Variants in SLC25A32 observed in about 807,000 individuals in gnomAD.
SLC25A32 encodes Glycine auxotroph B, complementation of hamster.
A neutral mutation model predicts 39.0 loss-of-function variants in SLC25A32; 32 were observed. The ratio of observed to expected loss-of-function variants is 0.82; its 90% confidence interval spans 0.62 to 1.10. The LOEUF (loss-of-function observed/expected upper bound fraction) is 1.10, where lower values mean the gene tolerates loss of function less well. Among genes scored for constraint, SLC25A32 ranks in the 50% least tolerant of loss-of-function variants. The probability of loss-of-function intolerance (pLI) is 0.00; values close to 1 mark genes in which losing one functional copy is unlikely to be tolerated. For missense variants in SLC25A32, 367 were observed against 395.3 expected (o/e 0.93, Z 0.61); for synonymous variants, 166 against 152.4 (o/e 1.09, Z -0.66).
chr8:103,404,097 C>T (rs1816276088), intron 3 of SLC25A32, among the ~76,000 whole-genome samples: 1 of 151,962 alleles, frequency 6.6e-6, no homozygotes, highest in South Asian at 2.1e-4. Context: ...ACTGTTTTTT[C>T]CTTCTGGATA....
chr8:103,403,680 T>C (rs187233953), intron 3 of SLC25A32, among the ~76,000 whole-genome samples: 61 of 152,200 alleles, frequency 4.0e-4, no homozygotes, highest in Non-Finnish European at 7.6e-4. Context: ...AGACCTTAGG[T>C]GTAGCACATG....
intron 2 of SLC25A32, among the ~76,000 whole-genome samples, chr8:103,406,326 C>A (rs1816332889): frequency 6.6e-6 from 1 of 152,102 alleles, no homozygotes; most frequent in South Asian, 2.1e-4. Flanking sequence ...AAATATATGA[C>A]ACAAAGAAGA....
chr8:103,408,765 C>T (rs977527633), intron 1 of SLC25A32, among the ~76,000 whole-genome samples: 16 of 152,174 alleles, frequency 1.1e-4, no homozygotes, highest in African/African-American at 3.6e-4. Flanking sequence ...GATGCCCACA[C>T]CAGATACCTG....
intron 2 of SLC25A32, among the ~76,000 whole-genome samples, chr8:103,406,786 C>G (rs1483732450): frequency 6.6e-6 from 1 of 152,196 alleles, no homozygotes; most frequent in African/African-American, 2.4e-5. Context: ...CCACCTTCAT[C>G]ATAAACAAAT....
At chr8:103,401,384 G>T in intron 6 of SLC25A32, 132 bp downstream of exon 6, 2 of 722,210 alleles carry the variant, frequency 2.8e-6, no homozygotes, top group South Asian at 4.9e-5. Context: ...TAATAACTGG[G>T]AAAGCAGGGA....
chr8:103,407,151 C>T (rs1816351540), intron 2 of SLC25A32, among the ~76,000 whole-genome samples: 1 of 152,144 alleles, frequency 6.6e-6, no homozygotes, highest in Non-Finnish European at 1.5e-5. Context: ...ATGGCCAAAA[C>T]ACCTAATAAA....
intron 1 of SLC25A32, among the ~76,000 whole-genome samples, chr8:103,410,137 A>G (rs964405357): frequency 5.9e-5 from 9 of 152,196 alleles, no homozygotes; most frequent in African/African-American, 2.2e-4. Context: ...AAAAAGCAAA[A>G]CCAACCATAA....
At chr8:103,407,558 C>T in intron 2 of SLC25A32, 76 bp downstream of exon 2, 1 of 1,206,174 alleles carries the variant, frequency 8.3e-7, no homozygotes, top group Non-Finnish European at 1.1e-6. Context: ...TATCATTTTA[C>T]ATTTACATGT....
chr8:103,407,753 A>G lies in SLC25A32; in HGVS notation c.186T>C (p.Tyr62=). ...VSDGLELRPK[Y]NGILHCLTTI... ...TAGTCAAGCAATGTAAAATTCCATTATATTTCGGTCTCAGTTCCAATCCAT... is the reference window on the plus strand; with the variant it reads ...TAGTCAAGCAATGTAAAATTCCATTGTATTTCGGTCTCAGTTCCAATCCAT... Residue 62 remains tyrosine (Y), a synonymous_variant, in exon 2 of 7, where the codon TAT becomes TAC. Transcript: ENST00000297578. The G allele has an allele frequency of 6.2e-7, 1 of 1,613,474 alleles. No individual in the cohort carries two copies. Among genetic ancestry groups the G allele is most frequent in the Non-Finnish European group, 8.5e-7 (1 of 1,179,698 alleles).
chr8:103,400,660 T>A, intron 6 of SLC25A32, 114 bp from the exon 7 acceptor site: 1 of 1,066,714 alleles, frequency 9.4e-7, no homozygotes, highest in Non-Finnish European at 1.4e-6. Flanking sequence ...TACTCTGATT[T>A]AAGTTCATGT....
chr8:103,403,512 T>C (rs369221975), intron 3 of SLC25A32, among the ~76,000 whole-genome samples, 188 bp from the exon 4 acceptor site: 1 of 152,164 alleles, frequency 6.6e-6, no homozygotes, highest in South Asian at 2.1e-4. Context: ...GACATTGTTT[T>C]TGGTAGTCAT....
rs1274867455 is a variant in SLC25A32 at position 103,414,822 on chromosome 8, G to A, written c.116C>T (p.Ala39Val). 35 of 1,613,708 alleles carry A rather than the reference G, an allele frequency of 2.2e-5. No individual in the cohort carries two copies. The highest frequency in any genetic ancestry group is 2.9e-5 in the Non-Finnish European group (34 of 1,180,050). The change falls in exon 1 of 7, where the codon GCG becomes GTG. Residue 39 changes from alanine (A) to valine (V), a missense_variant. Physicochemically the swap from Ala to Val is moderately conservative, Grantham distance 64 (BLOSUM62 0). Transcript: ENST00000297578. ...CTTCACGAGGTCGAGCGGATGCAGC[G>A]CAAGGTTGGATAAGACGCCGCCGCT... ...GVSGGVLSNL[A>V]LHPLDLVKIR...
At chr8:103,409,597 T>C (rs1332425714) in intron 1 of SLC25A32, among the ~76,000 whole-genome samples, 3 of 152,148 alleles carry the variant, frequency 2.0e-5, no homozygotes, top group African/African-American at 7.2e-5. Context: ...GAACCTGCCT[T>C]CCAGAAAGTT....
At chr8:103,409,599 C>T (rs1232516301) in intron 1 of SLC25A32, among the ~76,000 whole-genome samples, 1 of 152,128 alleles carries the variant, frequency 6.6e-6, no homozygotes, top group Non-Finnish European at 1.5e-5. Flanking sequence ...ACCTGCCTTC[C>T]AGAAAGTTTA....
chr8:103,403,066 C>T, intron 4 of SLC25A32, 98 bp downstream of exon 4: 1 of 765,448 alleles, frequency 1.3e-6, no homozygotes, highest in Non-Finnish European at 1.9e-6. Flanking sequence ...AGTGTGGCTT[C>T]TTTTTAGGAC....
At chr8:103,401,483 C>CA in intron 6 of SLC25A32, 33 bp downstream of exon 6, 1 of 1,597,696 alleles carries the variant, frequency 6.3e-7, no homozygotes, top group South Asian at 1.1e-5. Context: ...GGTACCTTGT[C>CA]AAAGCAATTT....
chr8:103,407,898 CT>C (rs1267572890), intron 1 of SLC25A32, 114 bp from the exon 2 acceptor site: 6 of 558,548 alleles, frequency 1.1e-5, no homozygotes, highest in African/African-American at 2.0e-5. Context: ...AGAAGAAAAA[CT>C]TTTTTAGGTA....
At position 103,407,804 on chromosome 8, in the gene SLC25A32, A is replaced by C; in HGVS notation, c.155-20T>G. 6.2e-7 allele frequency: 1 copy of C among 1,608,514 alleles called. No individual in the cohort carries two copies. Among genetic ancestry groups the C allele is most frequent in the East Asian group, 2.2e-5 (1 of 44,730 alleles). ...CACTCACTGCATCAAGGGATACACA[A>C]AGTCAGGTAAGAACAAAGTTCTAGC... On this transcript the variant is annotated intron_variant, in intron 1 of 6. Transcript: ENST00000297578.
At chr8:103,406,171 T>G (rs908259230) in intron 2 of SLC25A32, among the ~76,000 whole-genome samples, 2 of 151,796 alleles carry the variant, frequency 1.3e-5, no homozygotes, top group African/African-American at 4.8e-5. Flanking sequence ...TGTGTGTGTA[T>G]ATAGTTTCAC....
Sources: gnomAD v4.1 joint callset for allele counts (sites outside exome capture counted in the v4.1 genomes callset) on GRCh38, gnomAD v4.1.1 for gene constraint, MANE v1.5 for transcripts, NCBI Gene and HGNC (gene_info 2026-07-23, HGNC 2026-07-21) for gene names.